Variants in ADGRL3 observed in about 807,000 individuals in gnomAD.
ADGRL3 encodes the protein calcium-independent alpha-latrotoxin receptor 3.
In ADGRL3, 62 loss-of-function variants were observed where a neutral mutation model predicts 153.5. The observed-to-expected ratio is 0.40, with a 90% CI of 0.33 to 0.50. The LOEUF (loss-of-function observed/expected upper bound fraction) is 0.50, where lower values mean the gene tolerates loss of function less well. Among genes scored for constraint, ADGRL3 ranks in the 20% least tolerant of loss-of-function variants. The pLI, the probability that ADGRL3 is intolerant of heterozygous loss-of-function variation, is 0.47. For synonymous variants in ADGRL3, 710 were observed against 672.5 expected (o/e 1.06, Z -0.86); for missense variants, 1,641 against 1,859.4 (o/e 0.88, Z 2.16).
intron 5 of ADGRL3, among the ~76,000 whole-genome samples, chr4:61,602,162 T>C (rs2099014841): frequency 1.3e-5 from 2 of 151,758 alleles, no homozygotes; most frequent in Admixed American, 6.6e-5. Flanking sequence ...AGAATTCCAA[T>C]GTGTAATAAC....
At chr4:61,329,148 G>A (rs772364958) in intron 1 of ADGRL3, among the ~76,000 whole-genome samples, 11 of 152,060 alleles carry the variant, frequency 7.2e-5, no homozygotes, top group Admixed American at 1.3e-4. Flanking sequence ...GAAAGGATGC[G>A]TATTTAAAAG....
At chr4:62,069,471 G>A (rs1744712440) in intron 26 of ADGRL3, among the ~76,000 whole-genome samples, 1 of 151,870 alleles carries the variant, frequency 6.6e-6, no homozygotes. Context: ...CTTTTGATGT[G>A]CCATTTATCT....
intron 1 of ADGRL3, among the ~76,000 whole-genome samples, chr4:61,261,191 T>TCTG (rs202038990): frequency 1.6e-4 from 3 of 18,326 alleles, no homozygotes; most frequent in African/African-American, 1.5e-4. Flanking sequence ...ATCTTCTTCT[T>TCTG]TTTTTTTTTT....
intron 6 of ADGRL3, among the ~76,000 whole-genome samples, chr4:61,703,708 G>C (rs961548236): frequency 1.3e-5 from 2 of 152,062 alleles, no homozygotes; most frequent in Non-Finnish European, 2.9e-5. Context: ...TAGTGACAGA[G>C]GGGGGCAGAT....
Position 61,860,961 on chromosome 4 carries a change from T to G in ADGRL3, c.1481-31695T>G, listed in dbSNP as rs187894900. Among the ~76,000 whole-genome samples, 4 of 152,312 alleles carry G rather than the reference T, an allele frequency of 2.6e-5. No homozygotes were observed. In the East Asian group the frequency reaches 7.7e-4, roughly 29 times the overall value. ...CTTTGCATTTTTTCCTAAGCCACACTGCCAAATATTACGGCATTAAATCAC... is the reference window on the plus strand; with the variant it reads ...CTTTGCATTTTTTCCTAAGCCACACGGCCAAATATTACGGCATTAAATCAC... On this transcript the variant is annotated intron_variant, in intron 9 of 26. Coordinates refer to ENST00000683033, the MANE Select transcript of ADGRL3 (RefSeq NM_001387552.1).
intron 13 of ADGRL3, among the ~76,000 whole-genome samples, chr4:61,932,616 G>T (rs1581519947): frequency 6.6e-6 from 1 of 152,072 alleles, no homozygotes; most frequent in Admixed American, 6.6e-5. Context: ...TATTCATCAG[G>T]ATATGGCCTG....
intron 19 of ADGRL3, among the ~76,000 whole-genome samples, chr4:61,989,634 A>T (rs984078091): frequency 6.6e-6 from 1 of 152,074 alleles, no homozygotes; most frequent in Non-Finnish European, 1.5e-5. Flanking sequence ...ATCATATCTA[A>T]GAATTCTGGG....
At chr4:61,421,033 G>A (rs913562230) in intron 2 of ADGRL3, among the ~76,000 whole-genome samples, 2 of 152,038 alleles carry the variant, frequency 1.3e-5, no homozygotes, top group African/African-American at 4.8e-5. Flanking sequence ...AATGCTGGCC[G>A]GGCACAGTGG....
intron 25 of ADGRL3, among the ~76,000 whole-genome samples, chr4:62,057,444 A>C (rs1279605747): frequency 1.3e-5 from 2 of 152,308 alleles, no homozygotes; most frequent in Non-Finnish European, 2.9e-5. Flanking sequence ...TCAGGTATAA[A>C]GTAAAAAAGA....
chr4:61,242,530 C>G (rs1755412402), intron 1 of ADGRL3, among the ~76,000 whole-genome samples: 1 of 151,986 alleles, frequency 6.6e-6, no homozygotes, highest in Non-Finnish European at 1.5e-5. Context: ...ATTACATCCC[C>G]TATCTTTATG....
chr4:61,336,018 A>G (rs575572448), intron 1 of ADGRL3, among the ~76,000 whole-genome samples: 2 of 152,320 alleles, frequency 1.3e-5, no homozygotes, highest in East Asian at 3.9e-4. Flanking sequence ...ACATGTTGAT[A>G]AAAAGAAAAT....
At chr4:61,816,869 A>G (rs1194714602) in intron 9 of ADGRL3, among the ~76,000 whole-genome samples, 1 of 152,172 alleles carries the variant, frequency 6.6e-6, no homozygotes, top group African/African-American at 2.4e-5. Flanking sequence ...CTGAGCTCTC[A>G]GGGACCCAGG....
chr4:61,831,995 A>G (rs996038066), intron 9 of ADGRL3, among the ~76,000 whole-genome samples: 17 of 152,164 alleles, frequency 1.1e-4, no homozygotes, highest in Admixed American at 8.5e-4. Flanking sequence ...ACACCTGAGT[A>G]GACCTCAGAG....
At chr4:61,813,393 A>AAAAT (rs149325961) in intron 8 of ADGRL3, among the ~76,000 whole-genome samples, 2,055 of 152,214 alleles carry the variant, frequency 0.014, 20 homozygotes, top group African/African-American at 0.023. Context: ...ATTCCATTTC[A>AAAAT]AAATAAATAA....
intron 11 of ADGRL3, 117 bp downstream of exon 11, chr4:61,895,951 C>T: frequency 1.9e-6 from 1 of 533,250 alleles, no homozygotes; most frequent in Non-Finnish European, 3.2e-6. Flanking sequence ...GAAAATTTCA[C>T]ATTTAATGAC....
intron 9 of ADGRL3, among the ~76,000 whole-genome samples, chr4:61,852,758 A>G (rs1392232622): frequency 6.6e-6 from 1 of 152,212 alleles, no homozygotes. Context: ...AAAAGTGTGT[A>G]GAATTACTGA....
chr4:61,220,500 T>C (rs1292857533), intron 1 of ADGRL3, among the ~76,000 whole-genome samples: 3 of 152,198 alleles, frequency 2.0e-5, no homozygotes, highest in Admixed American at 6.5e-5. Context: ...TGGTGAGAAT[T>C]AAATTCAGTC....
chr4:61,783,379 T>C (rs1423656675), intron 8 of ADGRL3, among the ~76,000 whole-genome samples: 4 of 152,056 alleles, frequency 2.6e-5, no homozygotes, highest in Admixed American at 2.0e-4. Context: ...TTATTTTTAA[T>C]GAAAAAAGGG....
At chr4:61,840,753 G>A (rs1022950302) in intron 9 of ADGRL3, among the ~76,000 whole-genome samples, 2 of 152,178 alleles carry the variant, frequency 1.3e-5, no homozygotes, top group Admixed American at 1.3e-4. Context: ...ATGTTCATGA[G>A]TTTGCACCTG....
Sources: allele counts gnomAD v4.1 joint callset (sites outside exome capture counted in the v4.1 genomes callset), GRCh38; gene constraint gnomAD v4.1.1; transcripts MANE v1.5; gene names NCBI Gene and HGNC (gene_info 2026-07-23, HGNC 2026-07-21).